The following DDB1 variants were observed in gnomAD, a reference collection of about 807,000 sequenced individuals.
The protein encoded by DDB1 is DNA damage-binding protein 1.
A neutral mutation model predicts 133.1 loss-of-function variants in DDB1; 18 were observed. The ratio of observed to expected loss-of-function variants is 0.14; its 90% CI spans 0.09 to 0.20. DDB1 has a LOEUF of 0.20. Ranked by LOEUF, DDB1 falls within the 10% of genes least tolerant of loss-of-function variation. The pLI is 1.00. For missense variants in DDB1, 828 were observed against 1,459.2 expected (o/e 0.57, Z 7.05); for synonymous variants, 580 against 550.5 (o/e 1.05, Z -0.75).
chr11:61,332,893 C>T lies in DDB1; in HGVS notation c.61+15G>A. ...CTCCCTCACTCGCCGGGGTCTCCGG[C>T]CCCGGCAGCCTCACCGGTCACGCAG... On this transcript the variant is annotated intron_variant, in intron 1 of 26. Coordinates refer to ENST00000301764, the MANE Select transcript of DDB1 (RefSeq NM_001923.5). 1 of 1,474,610 alleles carries T rather than the reference C, an allele frequency of 6.8e-7. No individual in the cohort carries two copies. The highest frequency in any genetic ancestry group is 2.3e-5 in the Admixed American group (1 of 43,742). The allele number at this position is 1,474,610 out of a possible 1,614,324, so 91.3% of individuals were successfully genotyped here. A position where few individuals can be genotyped will look rare whatever the true frequency, so the allele number is the denominator to read the frequency against.
At position 61,317,385 on chromosome 11, in the gene DDB1, T is replaced by C. The variant is rs555859359; in HGVS notation, c.1226-818A>G. Among the ~76,000 whole-genome samples the C allele has an allele frequency of 2.6e-5, 4 of 152,186 alleles. No homozygotes were observed. In the South Asian group the frequency reaches 8.3e-4, roughly 31 times the overall value. ...CCTTGGCCTCCCAAAGTGCTGGGAT[T>C]ACAGGCGTGAGCCACCACGCCGGGC... On this transcript the variant is annotated intron_variant, in intron 10 of 26. Coordinates refer to ENST00000301764, the MANE Select transcript of DDB1 (RefSeq NM_001923.5).
At position 61,300,076 on chromosome 11, in the gene DDB1, G is replaced by C; in HGVS notation, c.*60C>G. 6.4e-7 allele frequency: 1 copy of C among 1,551,270 alleles called. No individual in the cohort carries two copies. Among genetic ancestry groups the C allele is most frequent in the Non-Finnish European group, 8.9e-7 (1 of 1,124,476 alleles). ...CCAAGAAGACGATGGTGGAGAGGAG[G>C]GGGAGGGCAGCAGGGCAAAGCCTTT... On this transcript the variant is annotated 3_prime_UTR_variant, in exon 27 of 27. Transcript: ENST00000301764.
chr11:61,309,984 G>C, intron 19 of DDB1, 24 bp from the exon 20 acceptor site: 1 of 1,614,124 alleles, frequency 6.2e-7, no homozygotes, highest in Non-Finnish European at 8.5e-7. Flanking sequence ...AGATGACTAC[G>C]TGATGACAGG....
intron 4 of DDB1, among the ~76,000 whole-genome samples, chr11:61,328,732 G>A (rs925467717): frequency 2.0e-5 from 3 of 152,072 alleles, no homozygotes; most frequent in Admixed American, 6.6e-5. Context: ...TTAGCTGGGC[G>A]TGGTGGCATG....
intron 10 of DDB1, among the ~76,000 whole-genome samples, chr11:61,319,384 C>T (rs1856139368): frequency 1.3e-5 from 2 of 152,150 alleles, no homozygotes; most frequent in Admixed American, 6.5e-5. Flanking sequence ...AGAGGCTTAA[C>T]AGTATGCTTC....
rs1855939298 is a variant in DDB1 at position 61,310,111 on chromosome 11, CCTAAG to C, written c.2402-156_2402-152del. On this transcript the variant is annotated intron_variant, in intron 19 of 26. Coordinates refer to ENST00000301764, the MANE Select transcript of DDB1 (RefSeq NM_001923.5). ...CATCAGATTATCCATCCCCCACCAGCCTAAGCTAAGGAGAGGATGCCCAGCCCTCC... is the reference window on the plus strand; with the variant it reads ...CATCAGATTATCCATCCCCCACCAGCCTAAGGAGAGGATGCCCAGCCCTCC... The C allele has an allele frequency of 8.9e-5, 123 of 1,384,774 alleles. 2 individuals are homozygous for C. In the South Asian group the frequency reaches 1.5e-3, roughly 16 times the overall value. The allele number at this position is 1,384,774 out of a possible 1,614,324, so 85.8% of individuals were successfully genotyped here.
chr11:61,318,226 C>T (rs1026111658), intron 10 of DDB1, among the ~76,000 whole-genome samples: 6 of 152,134 alleles, frequency 3.9e-5, no homozygotes, highest in Non-Finnish European at 8.8e-5. Flanking sequence ...ATTAACAAAT[C>T]CCTTCTCATT....
rs148771250 is a variant in DDB1 at position 61,323,651 on chromosome 11, C to T, written c.921+328G>A. The T allele has an allele frequency of 2.1e-3, 617 of 291,958 alleles. 1 individual carries two copies. The highest frequency in any genetic ancestry group is 0.012 in the African/African-American group (584 of 46,772). 18.1% of individuals were successfully genotyped at this position (291,958 alleles called of 1,614,324 possible). A position where few individuals can be genotyped will look rare whatever the true frequency, so the allele number is the denominator to read the frequency against. ...TAATCTCGAACTCCTGGGGCTCACA[C>T]AATCTGCCTGACTCAGTCTCCCAAA... On this transcript the variant is annotated intron_variant, in intron 7 of 26. Transcript: ENST00000301764.
Position 61,310,399 on chromosome 11 carries a change from C to T in DDB1, c.2297G>A (p.Ser766Asn), listed in dbSNP as rs1855944741. The change falls in exon 19 of 27, where the codon AGC (serine) becomes AAC (asparagine). Residue 766 changes from serine (S) to asparagine (N), a missense_variant. By Grantham distance (46) the Ser-to-Asn change is conservative. Transcript: ENST00000301764. ...GCTGCTGGAGAACAGCTTGCTGGAG[C>T]TTACACTGCTGGACAGAGCCTGCAA... is the stretch of plus-strand genomic sequence containing the variant. ...ASTQALSSSV[S>N]SSKLFSSSTA... The T allele has an allele frequency of 6.2e-7, 1 of 1,611,318 alleles. No homozygotes were observed. Among genetic ancestry groups the T allele is most frequent in the African/African-American group, 1.3e-5 (1 of 74,802 alleles).
rs1188813448 is a variant in DDB1 at position 61,300,877 on chromosome 11, C to T, written c.3271G>A (p.Gly1091Ser). ...TCCAGGAAACTCTCAATCAAGTCACCGTCGATGAAACCTGTGGCTGGTTCT... is the reference window on the plus strand; with the variant it reads ...TCCAGGAAACTCTCAATCAAGTCACTGTCGATGAAACCTGTGGCTGGTTCT... ...KTEPATGFID[G>S]DLIESFLDIS... Residue 1091 changes from glycine (G) to serine (S), a missense_variant, in exon 26 of 27, where the codon GGT becomes AGT. Physicochemically the swap from Gly to Ser is moderately conservative, Grantham distance 56. Coordinates refer to ENST00000301764, the MANE Select transcript of DDB1 (RefSeq NM_001923.5). 3 of 1,614,026 alleles carry T rather than the reference C, an allele frequency of 1.9e-6. No individual in the cohort carries two copies. The highest frequency in any genetic ancestry group is 2.2e-5 in the East Asian group (1 of 44,882).
intron 15 of DDB1, 41 bp downstream of exon 15, chr11:61,313,821 C>CT (rs1555037545): frequency 1.2e-6 from 2 of 1,609,368 alleles, no homozygotes; most frequent in Admixed American, 1.7e-5. Context: ...TTCTAATACT[C>CT]TATTTTTGAA....
intron 3 of DDB1, 92 bp from the exon 4 acceptor site, chr11:61,329,676 G>A (rs1393069643): frequency 2.4e-6 from 3 of 1,257,386 alleles, no homozygotes; most frequent in Admixed American, 2.2e-5. Context: ...AATTTTAGGA[G>A]AGGTATTAAA....
intron 18 of DDB1, 96 bp from the exon 19 acceptor site, chr11:61,310,514 T>C: frequency 7.2e-7 from 1 of 1,393,950 alleles, no homozygotes; most frequent in Non-Finnish European, 9.4e-7. Context: ...ACACAAAGGC[T>C]GCAGCTAGCC....
intron 9 of DDB1, 136 bp downstream of exon 9, chr11:61,322,160 C>G (rs1272381847): frequency 2.7e-6 from 2 of 739,772 alleles, no homozygotes; most frequent in Non-Finnish European, 4.8e-6. Flanking sequence ...CAGTAGTTAT[C>G]CTTATATCAC....
At chr11:61,315,702 T>C (rs1856051023) in intron 12 of DDB1, 1 of 152,390 alleles carries the variant, frequency 6.6e-6, no homozygotes, top group Admixed American at 6.5e-5. Context: ...CTTCAAAAAA[T>C]TGCTGAGGGG....
At chr11:61,327,670 T>A (rs1222871183) in intron 4 of DDB1, 2 of 152,232 alleles carry the variant, frequency 1.3e-5, no homozygotes, top group African/African-American at 2.4e-5. Context: ...ATTGTCAACA[T>A]CATCTTCCCC....
chr11:61,331,714 T>C, intron 1 of DDB1, 23 bp from the exon 2 acceptor site: 3 of 1,612,752 alleles, frequency 1.9e-6, no homozygotes, highest in Non-Finnish European at 2.5e-6. Context: ...ACCCTCTAAC[T>C]TTTGAACTCA....
intron 4 of DDB1, among the ~76,000 whole-genome samples, chr11:61,328,048 T>C (rs1437088119): frequency 1.3e-5 from 2 of 152,336 alleles, no homozygotes; most frequent in Middle Eastern, 3.4e-3. Flanking sequence ...GAGACACACA[T>C]GCAGAAATGA....
In DDB1 at chr11:61,331,564, G is replaced by A. The variant is rs1447307423; in HGVS notation, c.189C>T (p.Val63=). 2.5e-6 allele frequency: 4 copies of A among 1,614,032 alleles called. No individual in the cohort carries two copies. The highest frequency in any genetic ancestry group is 3.4e-6 in the Non-Finnish European group (4 of 1,180,048). ...KEVGMYGKIA[V]MELFRPKGES... is the part of the protein sequence containing the mutation. The stretch of plus-strand genomic sequence containing the variant: ...TTACCTTGGGCCTGAAAAGCTCCAT[G>A]ACCGCAATCTTCCCATACATGCCCA... The change falls in exon 2 of 27, where the codon GTC becomes GTT. Residue 63 remains valine, a synonymous_variant. Coordinates refer to ENST00000301764, the MANE Select transcript of DDB1 (RefSeq NM_001923.5).
Sources: allele counts gnomAD v4.1 joint callset (sites outside exome capture counted in the v4.1 genomes callset), GRCh38; gene constraint gnomAD v4.1.1; transcripts MANE v1.5; gene names NCBI Gene and HGNC (gene_info 2026-07-23, HGNC 2026-07-21).